Variants in TOR1A observed in about 807,000 individuals in gnomAD.
The protein encoded by TOR1A is torsin family 1 member A.
Under a neutral mutation model 31.4 loss-of-function variants are expected in TOR1A, and 18 were observed. The ratio of observed to expected loss-of-function variants is 0.57; its 90% CI spans 0.40 to 0.85. The LOEUF is 0.85. TOR1A is among the 40% of genes least tolerant of loss of function. The pLI, the probability that TOR1A is intolerant of heterozygous loss-of-function variation, is 0.00. For missense variants in TOR1A, 375 were observed against 416.4 expected, an observed-to-expected ratio of 0.90 and a Z score of 0.87; for synonymous variants, 168 against 165.9, an observed-to-expected ratio of 1.01 and a Z score of -0.10.
In TOR1A at chr9:129,818,877, G is replaced by C. The variant is rs142909469; in HGVS notation, c.488C>G (p.Ala163Gly). 1 of 1,613,766 alleles carries C rather than the reference G, an allele frequency of 6.2e-7. No individual in the cohort carries two copies. Among genetic ancestry groups the C allele is most frequent in the Non-Finnish European group, 8.5e-7 (1 of 1,180,010 alleles). ...LWIRGNVSAC[A>G]RSIFIFDEMD... ...TTCATCAAATATGAAGATGGACCTC[G>C]CACAGGCACTCACGTTGCCTCGAAT... The change falls in exon 3 of 5, where the codon GCG (alanine) becomes GGG (glycine). Residue 163 changes from alanine (A) to glycine (G), a missense_variant. By Grantham distance (60) the Ala-to-Gly change is moderately conservative (BLOSUM62 0). Coordinates refer to ENST00000351698, the MANE Select transcript of TOR1A (RefSeq NM_000113.3).
chr9:129,818,381 A>G (rs1252553640), intron 4 of TOR1A, 139 bp downstream of exon 4: 6 of 1,330,026 alleles, frequency 4.5e-6, no homozygotes, highest in African/African-American at 4.3e-5. Context: ...GATTCCCCTC[A>G]TGACTCGGAA....
At chr9:129,818,187 C>T in intron 4 of TOR1A, 1 of 387,384 alleles carries the variant, frequency 2.6e-6, no homozygotes, top group Non-Finnish European at 4.9e-6. Flanking sequence ...CCTGTAATCC[C>T]AGCTACTCAG....
chr9:129,815,630 A>T (rs913074589), intron 4 of TOR1A, among the ~76,000 whole-genome samples: 1 of 152,174 alleles, frequency 6.6e-6, no homozygotes, highest in Non-Finnish European at 1.5e-5. Flanking sequence ...GAGACTTCAC[A>T]GTCATCTCCT....
chr9:129,819,789 G>A (rs2031136409), intron 2 of TOR1A, among the ~76,000 whole-genome samples: 1 of 150,864 alleles, frequency 6.6e-6, no homozygotes, highest in South Asian at 2.1e-4. Flanking sequence ...CAGGCATAGT[G>A]GCAGGCGCCT....
At chr9:129,822,381 A>G in intron 2 of TOR1A, 200 bp downstream of exon 2, 1 of 752,458 alleles carries the variant, frequency 1.3e-6, no homozygotes, top group Non-Finnish European at 2.3e-6. Context: ...GATTTTCAGA[A>G]CCCACCACAA....
Position 129,813,847 on chromosome 9 carries a change from C to A in TOR1A, c.*125G>T. On this transcript the variant is annotated 3_prime_UTR_variant, in exon 5 of 5. Transcript: ENST00000351698. ...ACAATGCCAGGGAGAATTCCTGTCA[C>A]ATCAAACAGGAACATTCACTGGATT... 7.1e-7 allele frequency: 1 copy of A among 1,405,728 alleles called. No individual in the cohort carries two copies. Among genetic ancestry groups the A allele is most frequent in the African/African-American group, 1.4e-5 (1 of 71,096 alleles). The allele number at this position is 1,405,728 out of a possible 1,614,324, so 87.1% of individuals were successfully genotyped here.
At chr9:129,823,086 G>GTGCCAC (rs1266183026) in intron 1 of TOR1A, among the ~76,000 whole-genome samples, 2 of 152,052 alleles carry the variant, frequency 1.3e-5, no homozygotes, top group Non-Finnish European at 2.9e-5. Context: ...AAGCCCCTTG[G>GTGCCAC]TGCCACTGCC....
intron 2 of TOR1A, 105 bp from the exon 3 acceptor site, chr9:129,819,025 C>G (rs1564183897): frequency 3.3e-5 from 43 of 1,317,854 alleles, no homozygotes; most frequent in Non-Finnish European, 4.3e-5. Flanking sequence ...CCACTGTGCA[C>G]TCGGCACTAA....
Position 129,814,192 on chromosome 9 carries a change from C to G in TOR1A, c.779G>C (p.Arg260Pro). ...GGGAACAAAATAATCAATGAGGTTC[C>G]GGTCAATTAAGCTGCTGTGCCAGAA... ...SGFWHSSLID[R>P]NLIDYFVPFL... is the part of the protein sequence containing the mutation. The change falls in exon 5 of 5, where the codon CGG becomes CCG. Residue 260 changes from arginine to proline, a missense_variant. By Grantham distance (103) the Arg-to-Pro change is moderately radical. Coordinates refer to ENST00000351698, the MANE Select transcript of TOR1A (RefSeq NM_000113.3). 3.1e-6 allele frequency: 5 copies of G among 1,614,042 alleles called. No homozygotes were observed. The highest frequency in any genetic ancestry group is 4.2e-6 in the Non-Finnish European group (5 of 1,180,010).
intron 2 of TOR1A, 42 bp downstream of exon 2, chr9:129,822,539 C>T (rs750124782): frequency 9.9e-6 from 16 of 1,613,160 alleles, no homozygotes; most frequent in Admixed American, 5.0e-5. Flanking sequence ...AGACCCCAAA[C>T]CCGATGACAT....
At chr9:129,820,559 C>G (rs2031159669) in intron 2 of TOR1A, among the ~76,000 whole-genome samples, 1 of 152,204 alleles carries the variant, frequency 6.6e-6, no homozygotes, top group South Asian at 2.1e-4. Context: ...GTTAGTGAAG[C>G]CTCAATTCTA....
chr9:129,823,734 T>G (rs2031250462), intron 1 of TOR1A, 174 bp downstream of exon 1: 2 of 216,662 alleles, frequency 9.2e-6, no homozygotes, highest in Non-Finnish European at 1.6e-5. Flanking sequence ...CCGGCCCTAG[T>G]GCCATCGCCC....
intron 4 of TOR1A, among the ~76,000 whole-genome samples, chr9:129,815,627 C>A (rs1049035462): frequency 6.6e-6 from 1 of 152,200 alleles, no homozygotes; most frequent in African/African-American, 2.4e-5. Context: ...CCTGAGACTT[C>A]ACAGTCATCT....
chr9:129,822,914 C>T (rs551370453), intron 1 of TOR1A, 68 bp from the exon 2 acceptor site: 15 of 1,610,972 alleles, frequency 9.3e-6, no homozygotes, highest in Middle Eastern at 3.3e-4. Flanking sequence ...ATTTACAGCC[C>T]ATAAGAAAGC....
Position 129,822,855 on chromosome 9 carries a change from G to T in TOR1A, c.179-9C>A, listed in dbSNP as rs1443186274. 1 of 1,614,170 alleles carries T rather than the reference G, an allele frequency of 6.2e-7. No homozygotes were observed. Among genetic ancestry groups the T allele is most frequent in the South Asian group, 1.1e-5 (1 of 91,076 alleles). On this transcript the variant is annotated splice_polypyrimidine_tract_variant and intron_variant, in intron 1 of 4. Coordinates refer to ENST00000351698, the MANE Select transcript of TOR1A (RefSeq NM_000113.3). ...CAGATCCTTCTGCAGTGCTGGGAAAGACAAAGCCAATCAGGAGTGGGGAAG... is the reference window on the plus strand; with the variant it reads ...CAGATCCTTCTGCAGTGCTGGGAAATACAAAGCCAATCAGGAGTGGGGAAG...
At position 129,822,731 on chromosome 9, in the gene TOR1A, G is replaced by T; in HGVS notation, c.294C>A (p.Leu98=). ...CGGTGCCTGTCCACCCGTGCAGGGA[G>T]AGCGTGAGAGGTTTCTTGGGCTTTG... ...NNPKPKKPLT[L]SLHGWTGTGK... is the part of the protein sequence containing the mutation. The change falls in exon 2 of 5, where the codon CTC becomes CTA. Residue 98 remains leucine, a synonymous_variant. Transcript: ENST00000351698. 1.2e-6 allele frequency: 2 copies of T among 1,614,230 alleles called. No homozygotes were observed. Among genetic ancestry groups the T allele is most frequent in the Non-Finnish European group, 1.7e-6 (2 of 1,180,044 alleles).
chr9:129,818,722 T>C (rs761399515), intron 3 of TOR1A, 23 bp downstream of exon 3: 11 of 1,613,628 alleles, frequency 6.8e-6, no homozygotes, highest in Middle Eastern at 1.6e-4. Context: ...GGCCCATCCA[T>C]CATGTCCTAG....
At chr9:129,819,666 T>C (rs1302035356) in intron 2 of TOR1A, among the ~76,000 whole-genome samples, 2 of 151,348 alleles carry the variant, frequency 1.3e-5, no homozygotes, top group African/African-American at 4.9e-5. Flanking sequence ...GAGGCTGAGG[T>C]AGAATTGCAT....
At position 129,814,093 on chromosome 9, in the gene TOR1A, T is replaced by G; in HGVS notation, c.878A>C (p.Asp293Ala). 3 of 1,614,228 alleles carry G rather than the reference T, an allele frequency of 1.9e-6. No individual in the cohort carries two copies. Among genetic ancestry groups the G allele is most frequent in the Non-Finnish European group, 2.5e-6 (3 of 1,180,028 alleles). ...AGCCACTCTGCTTACAATGTCTTCA[T>G]CAATTTCATAGCCTCGGGACTGCAT... ...VEMQSRGYEI[D>A]EDIVSRVAEE... Residue 293 changes from aspartate (D) to alanine (A), a missense_variant, in exon 5 of 5, where the codon GAT (aspartate) becomes GCT (alanine). Transcript: ENST00000351698.
Sources: gnomAD v4.1 joint callset for allele counts (sites outside exome capture counted in the v4.1 genomes callset) on GRCh38, gnomAD v4.1.1 for gene constraint, MANE v1.5 for transcripts, NCBI Gene and HGNC (gene_info 2026-07-23, HGNC 2026-07-21) for gene names.